Variants in ZNF57 observed in about 807,000 individuals in gnomAD.
ZNF57 encodes the protein zinc finger protein 424.
In ZNF57, 11 loss-of-function variants were observed where a neutral mutation model predicts 13.4. That is an observed-to-expected ratio of 0.82 (90% CI 0.52 to 1.36). The LOEUF is 1.36. Among genes scored for constraint, ZNF57 ranks in the 40% most tolerant of loss-of-function variants. The pLI is 0.00. For synonymous variants in ZNF57, 224 were observed against 238.5 expected, an observed-to-expected ratio of 0.94 and a Z score of 0.56; for missense variants, 696 against 667.5, an observed-to-expected ratio of 1.04 and a Z score of -0.47.
rs1555677380 is a variant in ZNF57, at chr19:2,905,411, C to CCCT, written c.3+4365_3+4366insTCC. 4.4e-5 allele frequency among the ~76,000 whole-genome samples: 3 copies of CCCT among 68,096 alleles called. 1 individual carries two copies. The highest frequency in any genetic ancestry group is 1.4e-4 in the Non-Finnish European group (3 of 22,014). 44.7% of individuals were successfully genotyped at this position (68,096 alleles called of 152,430 possible). A position where few individuals can be genotyped will look rare whatever the true frequency, so the allele number is the denominator to read the frequency against. Reference sequence around the variant, plus strand: ...AACTCTTGACTTCAGGTGATCGCCCCCCCCCCCTCGGCATTCCAAAGTATT... The same window carrying CCCT: ...AACTCTTGACTTCAGGTGATCGCCCCCCTCCCCCCCTCGGCATTCCAAAGTATT... On this transcript the variant is annotated intron_variant, in intron 1 of 3. Transcript: ENST00000306908.
chr19:2,918,002 A>G lies in ZNF57; in HGVS notation c.1381A>G (p.Arg461Gly), dbSNP rs2144939767. 6 of 1,614,008 alleles carry G rather than the reference A, an allele frequency of 3.7e-6. 1 individual carries two copies. The Middle Eastern group carries it at 6.6e-4, about 178-fold the overall frequency. Residue 461 changes from arginine (R) to glycine (G), a missense_variant, in exon 4 of 4, where the codon AGA (arginine) becomes GGA (glycine). By Grantham distance (125) the Arg-to-Gly change is moderately radical. Transcript: ENST00000306908. ...CTGTGGGAAGGCCTTTACCTCTTCCAGAGCATTCCAAGGTCATTTGAGGAT... is the reference window on the plus strand; with the variant it reads ...CTGTGGGAAGGCCTTTACCTCTTCCGGAGCATTCCAAGGTCATTTGAGGAT... Reference protein sequence around the residue: ...EHCGKAFTSSRAFQGHLRMHT... With the variant: ...EHCGKAFTSSGAFQGHLRMHT...
rs73525634 is a variant in ZNF57 at position 2,906,570 on chromosome 19, C to T, written c.3+5522C>T. 6.7e-3 allele frequency among the ~76,000 whole-genome samples: 1,017 copies of T among 152,258 alleles called. 9 individuals carry two copies. Among genetic ancestry groups the T allele is most frequent in the African/African-American group, 0.023 (967 of 41,560 alleles). On this transcript the variant is annotated intron_variant, in intron 1 of 3. Coordinates refer to ENST00000306908, the MANE Select transcript of ZNF57 (RefSeq NM_173480.3). ...CATATGCAAGAAGCAGCCCCTTTGC[C>T]GAAACCGCCCCCTCCCTAGCTGGCC...
rs1455104120 is a variant in ZNF57 at position 2,910,804 on chromosome 19, C to T, written c.4-4718C>T. On this transcript the variant is annotated intron_variant, in intron 1 of 3. Transcript: ENST00000306908. ...AGAGACGGGGTTTCCCTGTGTTGGC[C>T]AGGATGGTCTCCATCTCCTGACGTC... Among the ~76,000 whole-genome samples the T allele has an allele frequency of 1.7e-4, 14 of 82,754 alleles. 4 individuals are homozygous for T. Among genetic ancestry groups the T allele is most frequent in the Non-Finnish European group, 3.8e-4 (14 of 36,612 alleles). The allele number at this position is 82,754 out of a possible 152,430, so 54.3% of individuals were successfully genotyped here.
intron 1 of ZNF57, among the ~76,000 whole-genome samples, chr19:2,914,733 T>G (rs893783977): frequency 6.6e-6 from 1 of 152,170 alleles, no homozygotes; most frequent in African/African-American, 2.4e-5. Flanking sequence ...TGTGTAGCTC[T>G]ATTCCTTCCT....
At chr19:2,915,830 G>A (rs1290141249) in intron 2 of ZNF57, 182 bp downstream of exon 2, 1 of 1,148,582 alleles carries the variant, frequency 8.7e-7, no homozygotes, top group Non-Finnish European at 1.3e-6. Context: ...TGTTATTTCT[G>A]TCTTGGTTTA....
intron 1 of ZNF57, among the ~76,000 whole-genome samples, chr19:2,903,954 T>A (rs7257712): frequency 0.83 from 126,246 of 151,698 alleles, 53,223 homozygotes; most frequent in Middle Eastern, 0.91. Context: ...TGACCTGGTG[T>A]TCCGCTCGCC....
In ZNF57 at chr19:2,916,113, T is replaced by G. The variant is rs117724451; in HGVS notation, c.166T>G (p.Ser56Ala). Residue 56 changes from serine to alanine, a missense_variant, in exon 3 of 4, where the codon TCT becomes GCT. By Grantham distance (99) the Ser-to-Ala change is moderately conservative. This residue lies in a region of ZNF57 where 8 missense variants were observed against 22.4 expected (regional missense o/e 0.36). Transcript: ENST00000306908. ...GTQFKANGSV[S>A]LQDMYGQEKS... The stretch of plus-strand genomic sequence containing the variant: ...TCAATTTAAAGCCAATGGGTCAGTT[T>G]CTCTGCAGGATATGTACGGGCAAGA... The G allele has an allele frequency of 0.025, 40,725 of 1,611,484 alleles. 599 individuals are homozygous for G. Among genetic ancestry groups the G allele is most frequent in the Non-Finnish European group, 0.029 (34,632 of 1,179,282 alleles).
At position 2,917,193 on chromosome 19, in the gene ZNF57, C is replaced by T; in HGVS notation, c.572C>T (p.Thr191Ile). The T allele has an allele frequency of 6.2e-7, 1 of 1,614,230 alleles. No individual in the cohort carries two copies. Among genetic ancestry groups the T allele is most frequent in the Non-Finnish European group, 8.5e-7 (1 of 1,180,036 alleles). ...SHLHSHGRTD[T>I]EEKPYKCQAC... ...CTACACAGTCACGGAAGAACTGACA[C>T]TGAGGAGAAGCCGTATAAGTGTCAA... Residue 191 changes from threonine to isoleucine, a missense_variant, in exon 4 of 4, where the codon ACT (threonine) becomes ATT (isoleucine). Thr to Ile is a moderately conservative substitution (Grantham distance 89). Transcript: ENST00000306908.
intron 1 of ZNF57, among the ~76,000 whole-genome samples, chr19:2,910,682 A>C (rs12976253): frequency 0.68 from 73,154 of 107,528 alleles, 31,387 homozygotes; most frequent in Non-Finnish European, 0.78. Flanking sequence ...CGATGGTCTC[A>C]ATCTCCTGAC....
intron 1 of ZNF57, among the ~76,000 whole-genome samples, chr19:2,913,610 GTT>G (rs768293288): frequency 3.3e-5 from 5 of 151,484 alleles, no homozygotes; most frequent in Admixed American, 6.6e-5. Context: ...TTCTGTATTA[GTT>G]TCAGATTTCA....
Position 2,918,337 on chromosome 19 carries a change from A to T in ZNF57, c.*48A>T. On this transcript the variant is annotated 3_prime_UTR_variant, in exon 4 of 4. Coordinates refer to ENST00000306908, the MANE Select transcript of ZNF57 (RefSeq NM_173480.3). ...GGGGTAACCTCACATTAATTCATGT[A>T]TAATGCTCCAGAAAATTCACACCAG... is the stretch of plus-strand genomic sequence containing the variant. The T allele has an allele frequency of 1.3e-6, 2 of 1,515,326 alleles. No individual in the cohort carries two copies. The highest frequency in any genetic ancestry group is 1.8e-6 in the Non-Finnish European group (2 of 1,132,442). The allele number at this position is 1,515,326 out of a possible 1,614,324, so 93.9% of individuals were successfully genotyped here.
chr19:2,903,554 C>A (rs888579708), intron 1 of ZNF57, among the ~76,000 whole-genome samples: 6 of 152,024 alleles, frequency 3.9e-5, no homozygotes, highest in Non-Finnish European at 8.8e-5. Context: ...TTACTGCCCG[C>A]ATAAATAGGC....
Position 2,917,590 on chromosome 19 carries a change from G to GC in ZNF57, c.970dup (p.Arg324ProfsTer14), listed in dbSNP as rs2088219576. ...AAACATTCAGTTGGTCTGAAACCTT[G>GC]CGAGTCCACATGAGGATCCACACTG... On this transcript the variant is annotated frameshift_variant, in exon 4 of 4. Transcript: ENST00000306908. LOFTEE classifies it low-confidence loss of function (END_TRUNC). 6.2e-7 allele frequency: 1 copy of GC among 1,612,768 alleles called. No homozygotes were observed. The highest frequency in any genetic ancestry group is 1.7e-5 in the Admixed American group (1 of 59,824).
intron 1 of ZNF57, among the ~76,000 whole-genome samples, chr19:2,904,277 C>T (rs2088054948): frequency 6.6e-6 from 1 of 152,154 alleles, no homozygotes; most frequent in African/African-American, 2.4e-5. Context: ...GTGGGTGACG[C>T]AGTTAGTTCA....
chr19:2,916,267 G>C lies in ZNF57; in HGVS notation c.302+18G>C, dbSNP rs542939345. The stretch of plus-strand genomic sequence containing the variant: ...AATCTGAGGTGAGTTGCACTCACAA[G>C]AGAAAAATCCTTGTATGCAATTAAA... On this transcript the variant is annotated intron_variant, in intron 3 of 3. Coordinates refer to ENST00000306908, the MANE Select transcript of ZNF57 (RefSeq NM_173480.3). 14 of 1,576,986 alleles carry C rather than the reference G, an allele frequency of 8.9e-6. No individual in the cohort carries two copies. The highest frequency in any genetic ancestry group is 1.2e-5 in the Non-Finnish European group (14 of 1,163,650).
chr19:2,908,573 C>A lies in ZNF57; in HGVS notation c.4-6949C>A, dbSNP rs1218960097. Among the ~76,000 whole-genome samples the A allele has an allele frequency of 2.0e-5, 3 of 151,078 alleles. No individual in the cohort carries two copies. The Admixed American group carries it at 2.0e-4, about 10-fold the overall frequency. On this transcript the variant is annotated intron_variant, in intron 1 of 3. Coordinates refer to ENST00000306908, the MANE Select transcript of ZNF57 (RefSeq NM_173480.3). ...TAGCTGGGACTACAGGCACCCGTCA[C>A]CACGCCCGGCTAATTTTTTGCATTT...
intron 1 of ZNF57, among the ~76,000 whole-genome samples, chr19:2,902,965 A>G (rs982572499): frequency 2.0e-5 from 3 of 152,194 alleles, no homozygotes; most frequent in Non-Finnish European, 4.4e-5. Context: ...CGGTGACTCC[A>G]GCTGAGCCCA....
At chr19:2,903,222 T>A (rs1438105007) in intron 1 of ZNF57, among the ~76,000 whole-genome samples, 1 of 152,190 alleles carries the variant, frequency 6.6e-6, no homozygotes, top group Non-Finnish European at 1.5e-5. Flanking sequence ...GCTTTAAGTG[T>A]TGTTTTTCTT....
At chr19:2,907,764 A>C (rs368177925) in intron 1 of ZNF57, among the ~76,000 whole-genome samples, 155 of 152,364 alleles carry the variant, frequency 1.0e-3, no homozygotes, top group African/African-American at 3.5e-3. Flanking sequence ...CCCAGACTGG[A>C]GTACAGTGGT....
Sources: allele counts gnomAD v4.1 joint callset (sites outside exome capture counted in the v4.1 genomes callset), GRCh38; gene constraint gnomAD v4.1.1; regional missense constraint gnomAD v4.1.1; transcripts MANE v1.5; gene names NCBI Gene and HGNC (gene_info 2026-07-23, HGNC 2026-07-21).